FOLR1: variants seen among roughly 807,000 people sequenced by gnomAD.
The protein encoded by FOLR1 is folate receptor alpha.
In FOLR1, 11 loss-of-function variants were observed where a neutral mutation model predicts 22.8. That is an observed-to-expected ratio of 0.48 (90% CI 0.30 to 0.80). The LOEUF is 0.80. Among genes scored for constraint, FOLR1 ranks in the 30% least tolerant of loss-of-function variants. The probability of loss-of-function intolerance (pLI) is 0.06; values close to 1 mark genes in which losing one functional copy is unlikely to be tolerated. For synonymous variants in FOLR1, 108 were observed against 116.5 expected (o/e 0.93, Z 0.47); for missense variants, 273 against 320.3 (o/e 0.85, Z 1.13).
intron 1 of FOLR1, among the ~76,000 whole-genome samples, chr11:72,193,720 A>C (rs560038004): frequency 6.6e-6 from 1 of 150,968 alleles, no homozygotes; most frequent in South Asian, 2.1e-4. Flanking sequence ...TTGGCCTCCC[A>C]AAGTGCTGAG....
chr11:72,194,489 T>C (rs1248351863), intron 1 of FOLR1, among the ~76,000 whole-genome samples: 1 of 151,964 alleles, frequency 6.6e-6, no homozygotes, highest in Non-Finnish European at 1.5e-5. Context: ...AAGCTCCACC[T>C]GCCGGGTTCA....
Position 72,196,181 on chromosome 11 carries a change from C to G in FOLR1, c.*4C>G. 6.2e-7 allele frequency: 1 copy of G among 1,614,118 alleles called. No homozygotes were observed. The highest frequency in any genetic ancestry group is 1.1e-5 in the South Asian group (1 of 91,074). On this transcript the variant is annotated 3_prime_UTR_variant, in exon 4 of 4. Transcript: ENST00000393676. ...GCTGCTGTGGCTGCTCAGCTGACCT[C>G]CTTTTACCTTCTGATACCTGGAAAT...
chr11:72,190,997 G>A (rs1254429436), upstream of FOLR1, among the ~76,000 whole-genome samples: 1 of 152,226 alleles, frequency 6.6e-6, no homozygotes, highest in East Asian at 1.9e-4. Context: ...GAAGTCATAG[G>A]AAATAAATTC....
At position 72,196,274 on chromosome 11, in the gene FOLR1, C is replaced by A. The variant is rs1443356431; in HGVS notation, c.*97C>A. 16 of 1,281,944 alleles carry A rather than the reference C, an allele frequency of 1.2e-5. No homozygotes were observed. The highest frequency in any genetic ancestry group is 1.7e-5 in the Non-Finnish European group (15 of 889,132). 79.4% of individuals were successfully genotyped at this position (1,281,944 alleles called of 1,614,324 possible). On this transcript the variant is annotated 3_prime_UTR_variant, in exon 4 of 4. Transcript: ENST00000393676. ...TGCTCCATGGTCGGGCCTCTGACAG[C>A]CACTTTGAATAAACCAGACACCGCA...
intron 1 of FOLR1, among the ~76,000 whole-genome samples, chr11:72,194,042 C>T (rs558721158): frequency 1.3e-5 from 2 of 152,262 alleles, no homozygotes; most frequent in Non-Finnish European, 2.9e-5. Context: ...CTCCACCTCC[C>T]AAAGTGCTGG....
At chr11:72,195,862 G>T in intron 3 of FOLR1, 35 bp from the exon 4 acceptor site, 1 of 1,614,152 alleles carries the variant, frequency 6.2e-7, no homozygotes, top group South Asian at 1.1e-5. Context: ...ATAGTTCCGG[G>T]CCCAGTGGCT....
At chr11:72,192,719 CAAGAAGGGA>C (rs1948172793) in intron 1 of FOLR1, among the ~76,000 whole-genome samples, 1 of 152,070 alleles carries the variant, frequency 6.6e-6, no homozygotes. Context: ...CTAAACAGCT[CAAGAAGGGA>C]GAGTCTCTCA....
At position 72,195,609 on chromosome 11, in the gene FOLR1, C is replaced by A; in HGVS notation, c.358-3C>A. 1 of 1,614,198 alleles carries A rather than the reference C, an allele frequency of 6.2e-7. No homozygotes were observed. The highest frequency in any genetic ancestry group is 8.5e-7 in the Non-Finnish European group (1 of 1,180,032). ...GCCCTTCTTTTGTATCAAAATCACC[C>A]AGGTGGATCAGAGCTGGCGCAAAGA... On this transcript the variant is annotated splice_region_variant and splice_polypyrimidine_tract_variant and intron_variant, in intron 2 of 3. Transcript: ENST00000393676.
Position 72,192,325 on chromosome 11 carries a change from A to G in FOLR1, c.152A>G (p.Asp51Gly). ...CACAAGGAAAAGCCAGGCCCCGAGG[A>G]CAAGTTGCATGAGCAGGTGGGCCAG... ...KHHKEKPGPEDKLHEQCRPWR... is the reference protein window; with the variant it reads ...KHHKEKPGPEGKLHEQCRPWR... Residue 51 changes from aspartate to glycine, a missense_variant, in exon 1 of 4, where the codon GAC (aspartate) becomes GGC (glycine). Asp to Gly is a moderately conservative substitution (Grantham distance 94, BLOSUM62 -1). Transcript: ENST00000393676. 6.2e-7 allele frequency: 1 copy of G among 1,614,106 alleles called. No homozygotes were observed. The highest frequency in any genetic ancestry group is 1.3e-5 in the African/African-American group (1 of 75,042).
chr11:72,195,636 C>A lies in FOLR1; in HGVS notation c.382C>A (p.Arg128=). The change falls in exon 3 of 4, where the codon CGG becomes AGG. Residue 128 remains arginine (R), a synonymous_variant. Coordinates refer to ENST00000393676, the MANE Select transcript of FOLR1 (RefSeq NM_016729.3). ...QQVDQSWRKE[R]VLNVPLCKED... ...GGTGGATCAGAGCTGGCGCAAAGAG[C>A]GGGTACTGAACGTGCCCCTGTGCAA... 6.2e-7 allele frequency: 1 copy of A among 1,614,162 alleles called. No individual in the cohort carries two copies. Among genetic ancestry groups the A allele is most frequent in the East Asian group, 2.2e-5 (1 of 44,882 alleles).
At position 72,196,090 on chromosome 11, in the gene FOLR1, T is replaced by C; in HGVS notation, c.687T>C (p.Tyr229=). 3.1e-6 allele frequency: 5 copies of C among 1,614,236 alleles called. No homozygotes were observed. Among genetic ancestry groups the C allele is most frequent in the Non-Finnish European group, 4.2e-6 (5 of 1,180,040 alleles). Residue 229 remains tyrosine (Y), a synonymous_variant, in exon 4 of 4, where the codon TAT becomes TAC. Coordinates refer to ENST00000393676, the MANE Select transcript of FOLR1 (RefSeq NM_016729.3). ...GNPNEEVARF[Y]AAAMSGAGPW... is the part of the protein sequence containing the mutation. ...CCAATGAGGAGGTGGCGAGGTTCTATGCTGCAGCCATGAGTGGGGCTGGGC... is the reference window on the plus strand; with the variant it reads ...CCAATGAGGAGGTGGCGAGGTTCTACGCTGCAGCCATGAGTGGGGCTGGGC...
At chr11:72,191,365 C>A (rs1417100394), upstream of FOLR1, among the ~76,000 whole-genome samples, 2 of 145,166 alleles carry the variant, frequency 1.4e-5, no homozygotes, top group Non-Finnish European at 3.0e-5. Context: ...TTTTTATAAA[C>A]TTTTTTTTTT....
chr11:72,193,367 G>A (rs1948182017), intron 1 of FOLR1, among the ~76,000 whole-genome samples: 2 of 150,672 alleles, frequency 1.3e-5, no homozygotes, highest in East Asian at 3.9e-4. Flanking sequence ...AGGAAGGAAG[G>A]AAGGGGAGGA....
At chr11:72,195,518 C>A (rs1948217412) in intron 2 of FOLR1, 59 bp downstream of exon 2, 1 of 1,612,858 alleles carries the variant, frequency 6.2e-7, no homozygotes, top group African/African-American at 1.3e-5. Context: ...TTCCAGGCAT[C>A]TCTGCAGGCT....
chr11:72,189,710 T>C (rs1296207378), upstream of FOLR1: 1 of 152,270 alleles, frequency 6.6e-6, no homozygotes, highest in African/African-American at 2.4e-5. Flanking sequence ...AGGGGGAGTG[T>C]AGAGCAGAGC....
chr11:72,195,734 G>A lies in FOLR1; in HGVS notation c.480G>A (p.Trp160Ter). Residue 160 changes from tryptophan (W) to a stop codon, truncating the protein, a stop_gained, in exon 3 of 4, where the codon TGG (tryptophan) becomes TGA (stop). Coordinates refer to ENST00000393676, the MANE Select transcript of FOLR1 (RefSeq NM_016729.3). LOFTEE classifies it low-confidence loss of function (END_TRUNC). The part of the protein sequence containing the change: ...YTCKSNWHKG[W>*]NWTSGFNKCA... ...GCAAGAGCAACTGGCACAAGGGCTG[G>A]AACTGGACTTCAGGTGAGGGCTGGG... 1 of 1,614,242 alleles carries A rather than the reference G, an allele frequency of 6.2e-7. No homozygotes were observed. Among genetic ancestry groups the A allele is most frequent in the South Asian group, 1.1e-5 (1 of 91,082 alleles).
In FOLR1 at chr11:72,192,330, T is replaced by C. The variant is rs143413500; in HGVS notation, c.157T>C (p.Leu53=). 391 of 1,613,814 alleles carry C rather than the reference T, an allele frequency of 2.4e-4. No individual in the cohort carries two copies. The highest frequency in any genetic ancestry group is 3.3e-4 in the Middle Eastern group (2 of 6,010). Residue 53 remains leucine, a synonymous_variant, in exon 1 of 4, where the codon TTG becomes CTG. Transcript: ENST00000393676. ...HKEKPGPEDK[L]HEQCRPWRKN... The stretch of plus-strand genomic sequence containing the variant: ...GGAAAAGCCAGGCCCCGAGGACAAG[T>C]TGCATGAGCAGGTGGGCCAGGGGGT...
rs1034180699 is a variant in FOLR1, at chr11:72,196,165, G to T, written c.762G>T (p.Trp254Cys). Residue 254 changes from tryptophan to cysteine, a missense_variant, in exon 4 of 4, where the codon TGG becomes TGT. By Grantham distance (215) the Trp-to-Cys change is radical. Coordinates refer to ENST00000393676, the MANE Select transcript of FOLR1 (RefSeq NM_016729.3). ...FLLSLALMLLWLLS is the reference protein window; with the variant it reads ...FLLSLALMLLCLLS ...TTAGCCTGGCCCTAATGCTGCTGTG[G>T]CTGCTCAGCTGACCTCCTTTTACCT... The T allele has an allele frequency of 4.3e-6, 7 of 1,614,146 alleles. No individual in the cohort carries two copies. In the African/African-American group the frequency reaches 8.0e-5, roughly 18 times the overall value.
chr11:72,192,526 T>C (rs1328370640), intron 1 of FOLR1, among the ~76,000 whole-genome samples, 185 bp downstream of exon 1: 1 of 152,196 alleles, frequency 6.6e-6, no homozygotes, highest in Non-Finnish European at 1.5e-5. Flanking sequence ...GTTCACCTTC[T>C]TGGTTGTTGA....
Sources: allele counts gnomAD v4.1 joint callset (sites outside exome capture counted in the v4.1 genomes callset), GRCh38; gene constraint gnomAD v4.1.1; transcripts MANE v1.5; gene names NCBI Gene and HGNC (gene_info 2026-07-23, HGNC 2026-07-21).